Variants in IQSEC3 observed in about 807,000 individuals in gnomAD.
IQSEC3 encodes IQ motif and Sec7 domain ArfGEF 3.
Under a neutral mutation model 105.4 loss-of-function variants are expected in IQSEC3, and 50 were observed. That is an observed-to-expected ratio of 0.47 (90% CI 0.38 to 0.60). The LOEUF is 0.60. Ranked by LOEUF, IQSEC3 falls within the 20% of genes least tolerant of loss-of-function variation. IQSEC3 has a pLI of 0.00. For synonymous variants in IQSEC3, 708 were observed against 746.0 expected (o/e 0.95, Z 0.83); for missense variants, 1,415 against 1,630.0 (o/e 0.87, Z 2.27).
chr12:122,184 G>A (rs1452197853), intron 2 of IQSEC3, among the ~76,000 whole-genome samples: 4 of 152,334 alleles, frequency 2.6e-5, no homozygotes, highest in African/African-American at 9.6e-5. Context: ...TGGGCAAGGT[G>A]GAGCTGGGTC....
rs1555093031 is a variant in IQSEC3, at chr12:152,855, T to C, written c.2154-4170T>C. 6.6e-6 allele frequency among the ~76,000 whole-genome samples: 1 copy of C among 152,078 alleles called. No individual in the cohort carries two copies. Among genetic ancestry groups the C allele is most frequent in the African/African-American group, 2.4e-5 (1 of 41,404 alleles). On this transcript the variant is annotated intron_variant, in intron 5 of 13. Transcript: ENST00000538872. This position sits in a 1 kb window ranked among gnomAD's most constrained non-coding sequence, Gnocchi z 4.8. ...TGTCTTCTGTAAAATGGGGAGATGATACACCAGAAAAGACCACCCGGGAAT... is the reference window on the plus strand; with the variant it reads ...TGTCTTCTGTAAAATGGGGAGATGACACACCAGAAAAGACCACCCGGGAAT...
At chr12:96,872 T>C (rs1246089549) in intron 1 of IQSEC3, among the ~76,000 whole-genome samples, 3 of 152,222 alleles carry the variant, frequency 2.0e-5, no homozygotes, top group Non-Finnish European at 4.4e-5. Context: ...TAGAATTTTA[T>C]CTTTCATTTA....
At chr12:80,546 T>C (rs1555070467) in intron 1 of IQSEC3, among the ~76,000 whole-genome samples, 2 of 152,262 alleles carry the variant, frequency 1.3e-5, no homozygotes, top group Non-Finnish European at 2.9e-5. Context: ...TTCTTCTTTC[T>C]GTAAGTATAT....
chr12:144,160 G>C (rs1266952006), intron 5 of IQSEC3: 3 of 152,220 alleles, frequency 2.0e-5, no homozygotes, highest in African/African-American at 7.2e-5. Context: ...CCGAGGTGGA[G>C]AGGGCCCTGT....
At chr12:172,773 CAGATG>C (rs1346572563) in intron 13 of IQSEC3, among the ~76,000 whole-genome samples, 1 of 152,194 alleles carries the variant, frequency 6.6e-6, no homozygotes, top group Non-Finnish European at 1.5e-5. Context: ...AGAAGGGGGT[CAGATG>C]AGAGGACATT....
intron 1 of IQSEC3, among the ~76,000 whole-genome samples, chr12:84,513 T>C (rs1863853648): frequency 6.6e-6 from 1 of 152,224 alleles, no homozygotes; most frequent in Non-Finnish European, 1.5e-5. Flanking sequence ...TGCACACATG[T>C]GCAGGATGGT....
chr12:68,705 T>G (rs2136850954), intron 1 of IQSEC3, among the ~76,000 whole-genome samples: 1 of 152,382 alleles, frequency 6.6e-6, no homozygotes, highest in South Asian at 2.1e-4. Context: ...CTCATCTTCA[T>G]CCAGGTGCAT....
chr12:96,258 G>T (rs1206313902), intron 1 of IQSEC3, among the ~76,000 whole-genome samples: 1 of 152,180 alleles, frequency 6.6e-6, no homozygotes, highest in South Asian at 2.1e-4. Flanking sequence ...ATCAAAAGAC[G>T]TGGAATCAGT....
chr12:115,465 A>AT (rs1463688565), intron 2 of IQSEC3, among the ~76,000 whole-genome samples: 2 of 152,180 alleles, frequency 1.3e-5, no homozygotes, highest in African/African-American at 2.4e-5. Flanking sequence ...GTGGGTCACC[A>AT]TAACAGGGCT....
intron 9 of IQSEC3, chr12:164,670 G>A (rs1867086246): frequency 1.3e-5 from 2 of 152,220 alleles, no homozygotes; most frequent in African/African-American, 4.8e-5. Context: ...GATGGACACT[G>A]TGACACTCCA....
intron 2 of IQSEC3, among the ~76,000 whole-genome samples, chr12:119,594 G>C (rs1315416198): frequency 6.6e-6 from 1 of 152,180 alleles, no homozygotes; most frequent in African/African-American, 2.4e-5. Flanking sequence ...AGTTCAGAAT[G>C]TTGACTTTTT....
At chr12:127,553 G>A (rs1209004467) in intron 3 of IQSEC3, among the ~76,000 whole-genome samples, 5 of 151,402 alleles carry the variant, frequency 3.3e-5, no homozygotes, top group African/African-American at 1.2e-4. Flanking sequence ...ACCTCATCAG[G>A]ACAGAAGGAT....
At chr12:116,587 G>A (rs782271377) in intron 2 of IQSEC3, among the ~76,000 whole-genome samples, 60 of 152,184 alleles carry the variant, frequency 3.9e-4, no homozygotes, top group Admixed American at 5.9e-4. Flanking sequence ...TGTAATATTG[G>A]GGTCCAAGAC....
intron 2 of IQSEC3, among the ~76,000 whole-genome samples, chr12:117,946 G>C (rs1865102341): frequency 6.6e-6 from 1 of 152,198 alleles, no homozygotes; most frequent in Non-Finnish European, 1.5e-5. Flanking sequence ...GATGGCTTCA[G>C]GTTAGCAGGA....
At chr12:126,177 C>T (rs1865399640) in intron 3 of IQSEC3, among the ~76,000 whole-genome samples, 1 of 152,202 alleles carries the variant, frequency 6.6e-6, no homozygotes, top group African/African-American at 2.4e-5. Flanking sequence ...ACACAGTGCT[C>T]AGCAAGCCTC....
At chr12:134,506 C>T (rs1399063676) in intron 3 of IQSEC3, among the ~76,000 whole-genome samples, 4 of 152,254 alleles carry the variant, frequency 2.6e-5, no homozygotes, top group African/African-American at 9.6e-5. Flanking sequence ...GGATTTCATA[C>T]CTTCCCTGTG....
At chr12:110,595 G>A (rs1405020059) in intron 2 of IQSEC3, among the ~76,000 whole-genome samples, 11 of 151,930 alleles carry the variant, frequency 7.2e-5, no homozygotes, top group South Asian at 2.1e-4. Flanking sequence ...CTCCTTACCC[G>A]GGAGAATGGG....
intron 2 of IQSEC3, among the ~76,000 whole-genome samples, chr12:105,195 G>C (rs1864605169): frequency 6.6e-6 from 1 of 152,276 alleles, no homozygotes; most frequent in African/African-American, 2.4e-5. Flanking sequence ...GGCGGCAGGG[G>C]AGGTTAAAGG....
intron 5 of IQSEC3, 43 bp downstream of exon 5, chr12:141,328 C>G: frequency 1.9e-6 from 3 of 1,584,162 alleles, no homozygotes; most frequent in Non-Finnish European, 2.6e-6. Flanking sequence ...CCTTCCCACA[C>G]CCCACCTGCC....
Sources: allele counts gnomAD v4.1 joint callset (sites outside exome capture counted in the v4.1 genomes callset), GRCh38; gene constraint gnomAD v4.1.1; non-coding constraint Gnocchi (gnomAD v3.1); transcripts MANE v1.5; gene names NCBI Gene and HGNC (gene_info 2026-07-23, HGNC 2026-07-21).